The following LTBP1 variants were observed in gnomAD, a reference collection of about 807,000 sequenced individuals.
The protein encoded by LTBP1 is latent-transforming growth factor beta-binding protein 1.
In LTBP1, 129 loss-of-function variants were observed where a neutral mutation model predicts 207.6. That is an observed-to-expected ratio of 0.62 (90% CI 0.54 to 0.72). The LOEUF (loss-of-function observed/expected upper bound fraction) is 0.72, where lower values mean the gene tolerates loss of function less well. LTBP1 is among the 30% of genes least tolerant of loss of function. The pLI is 0.00. For missense variants in LTBP1, 2,281 were observed against 2,217.2 expected, an observed-to-expected ratio of 1.03 and a Z score of -0.58; for synonymous variants, 963 against 833.7, an observed-to-expected ratio of 1.16 and a Z score of -2.67.
intron 26 of LTBP1, among the ~76,000 whole-genome samples, chr2:33,351,046 A>T (rs1025889851): frequency 3.9e-5 from 6 of 152,210 alleles, no homozygotes; most frequent in Non-Finnish European, 4.4e-5. Flanking sequence ...CAAAATCAGG[A>T]AGTATAAAGC....
intron 5 of LTBP1, among the ~76,000 whole-genome samples, chr2:33,183,906 T>G (rs916240476): frequency 6.6e-6 from 1 of 152,190 alleles, no homozygotes; most frequent in African/African-American, 2.4e-5. Flanking sequence ...GAGTTTTGAC[T>G]TGATCTGCAG....
chr2:32,993,195 G>A (rs1377265780), intron 2 of LTBP1, among the ~76,000 whole-genome samples: 1 of 152,048 alleles, frequency 6.6e-6, no homozygotes, highest in East Asian at 1.9e-4. Context: ...AAGCAAGGGA[G>A]GGTCCTTGAT....
chr2:33,218,387 T>G (rs1231150323), intron 8 of LTBP1, among the ~76,000 whole-genome samples: 1 of 152,176 alleles, frequency 6.6e-6, no homozygotes, highest in African/African-American at 2.4e-5. Flanking sequence ...GATAACTGAT[T>G]TCTAATAAAT....
At chr2:33,202,022 A>AACACACACACAC (rs10558832) in intron 7 of LTBP1, among the ~76,000 whole-genome samples, 6,600 of 140,540 alleles carry the variant, frequency 0.047, 231 homozygotes, top group East Asian at 0.11. Context: ...TTAGCACTGG[A>AACACACACACAC]ACACACACAC....
chr2:32,991,822 CTT>C (rs1684465350), intron 2 of LTBP1, among the ~76,000 whole-genome samples: 4 of 152,314 alleles, frequency 2.6e-5, no homozygotes, highest in African/African-American at 7.2e-5. Context: ...GCACTTGAAT[CTT>C]TGTAGGGACA....
At chr2:33,060,351 AC>A (rs1380888776) in intron 3 of LTBP1, among the ~76,000 whole-genome samples, 2 of 152,160 alleles carry the variant, frequency 1.3e-5, no homozygotes, top group Non-Finnish European at 2.9e-5. Context: ...TAGAATACAC[AC>A]AGATAATTGA....
chr2:33,263,911 C>A (rs2093095193), intron 15 of LTBP1, among the ~76,000 whole-genome samples: 1 of 148,680 alleles, frequency 6.7e-6, no homozygotes, highest in African/African-American at 2.5e-5. Flanking sequence ...CAAGATCACG[C>A]CACTGCACTC....
chr2:33,152,260 C>G (rs1162644533), intron 5 of LTBP1, among the ~76,000 whole-genome samples: 1 of 152,010 alleles, frequency 6.6e-6, no homozygotes, highest in Non-Finnish European at 1.5e-5. Context: ...TGGCTAAGGA[C>G]GTGAATGGAC....
Position 33,188,758 on chromosome 2 carries a change from C to T in LTBP1, c.1608C>T (p.Ser536=). The T allele has an allele frequency of 1.2e-6, 2 of 1,614,150 alleles. No homozygotes were observed. The highest frequency in any genetic ancestry group is 1.7e-6 in the Non-Finnish European group (2 of 1,180,012). The change falls in exon 7 of 34, where the codon TCC becomes TCT. Residue 536 remains serine, a synonymous_variant. Coordinates refer to ENST00000404816, the MANE Select transcript of LTBP1 (RefSeq NM_206943.4). ...TCCAGAAGACCCAGACCATACATTC[C>T]ACATACTCCCACCAGCAGGTCATTC... is the stretch of plus-strand genomic sequence containing the variant. ...LPVQKTQTIH[S]TYSHQQVIPH...
At chr2:33,066,370 A>G (rs945425580) in intron 3 of LTBP1, among the ~76,000 whole-genome samples, 1 of 152,184 alleles carries the variant, frequency 6.6e-6, no homozygotes, top group South Asian at 2.1e-4. Flanking sequence ...TTGGCACCCC[A>G]AAAATCATAG....
chr2:33,336,267 G>A (rs1051029797), intron 24 of LTBP1, among the ~76,000 whole-genome samples: 2 of 152,162 alleles, frequency 1.3e-5, no homozygotes, highest in Non-Finnish European at 2.9e-5. Flanking sequence ...TCACAGTTTG[G>A]TTAGTTCTCT....
At chr2:33,342,342 ACTCT>A (rs999700073) in intron 24 of LTBP1, among the ~76,000 whole-genome samples, 1 of 152,014 alleles carries the variant, frequency 6.6e-6, no homozygotes, top group Non-Finnish European at 1.5e-5. Context: ...ACTTCATCAG[ACTCT>A]CTCTTGACTT....
chr2:33,266,068 C>CT (rs1558913727), intron 15 of LTBP1, among the ~76,000 whole-genome samples: 2 of 152,220 alleles, frequency 1.3e-5, no homozygotes, highest in South Asian at 4.1e-4. Flanking sequence ...TCCCTGCACT[C>CT]TAAGGGGCTG....
At chr2:33,309,314 G>T in intron 22 of LTBP1, 120 bp from the exon 23 acceptor site, 99 of 542,772 alleles carry the variant, frequency 1.8e-4, no homozygotes, top group Middle Eastern at 5.2e-4. Context: ...AAGTTGTCAT[G>T]TATTTAAAAT....
rs79688544 is a variant in LTBP1, at chr2:33,268,501, A to G, written c.2617+5109A>G. ...ACACACTTTGACATGTGATAATTAT[A>G]AAGTGAGCCACATATCTGCAGGAAA... is the stretch of plus-strand genomic sequence containing the variant. On this transcript the variant is annotated intron_variant, in intron 15 of 33. Transcript: ENST00000404816. 6.9e-3 allele frequency among the ~76,000 whole-genome samples: 1,052 copies of G among 152,344 alleles called. 9 individuals carry two copies. The highest frequency in any genetic ancestry group is 0.022 in the African/African-American group (935 of 41,572).
chr2:33,185,523 T>C (rs543253197), intron 5 of LTBP1, among the ~76,000 whole-genome samples: 1 of 151,954 alleles, frequency 6.6e-6, no homozygotes, highest in Non-Finnish European at 1.5e-5. Flanking sequence ...AAAGAGTGTG[T>C]AGAGTCAGTG....
In LTBP1 at chr2:33,215,539, A is replaced by G. The variant is rs2090609217; in HGVS notation, c.1702-2013A>G. On this transcript the variant is annotated intron_variant, in intron 7 of 33. Transcript: ENST00000404816. ...TATGTAGTTACTTAGCGCCTCAGTC[A>G]GAATGTTGCATGCTTGGACCTGGCA... Among the ~76,000 whole-genome samples, 3 of 152,206 alleles carry G rather than the reference A, an allele frequency of 2.0e-5. No individual in the cohort carries two copies. In the South Asian group the frequency reaches 6.2e-4, roughly 32 times the overall value.
At chr2:33,287,448 A>G (rs989163704) in intron 19 of LTBP1, among the ~76,000 whole-genome samples, 2 of 152,246 alleles carry the variant, frequency 1.3e-5, no homozygotes, top group African/African-American at 4.8e-5. Flanking sequence ...AATAAGGAAA[A>G]TAAAAGAGCA....
intron 24 of LTBP1, among the ~76,000 whole-genome samples, chr2:33,320,411 A>G (rs2149327977): frequency 6.6e-6 from 1 of 151,802 alleles, no homozygotes; most frequent in Admixed American, 6.6e-5. Flanking sequence ...AAAAAAAAAA[A>G]GAAAAGGTAG....
Sources: gnomAD v4.1 joint callset for allele counts (sites outside exome capture counted in the v4.1 genomes callset) on GRCh38, gnomAD v4.1.1 for gene constraint, MANE v1.5 for transcripts, NCBI Gene and HGNC (gene_info 2026-07-23, HGNC 2026-07-21) for gene names.